SEPTIN11: variants seen among roughly 807,000 people sequenced by gnomAD.
The protein encoded by SEPTIN11 is septin 11, also known as septin-11.
In SEPTIN11, 25 loss-of-function variants were observed where a neutral mutation model predicts 51.4. The ratio of observed to expected loss-of-function variants is 0.49; its 90% confidence interval spans 0.35 to 0.68. SEPTIN11 has a LOEUF of 0.68. SEPTIN11 is among the 30% of genes least tolerant of loss of function. SEPTIN11 has a pLI of 0.00. For missense variants in SEPTIN11, 381 were observed against 520.8 expected (o/e 0.73, Z 2.61); for synonymous variants, 174 against 184.1 (o/e 0.95, Z 0.44).
In SEPTIN11 at chr4:76,996,445, G is replaced by A; in HGVS notation, c.48G>A (p.Leu16=). 1 of 1,614,062 alleles carries A rather than the reference G, an allele frequency of 6.2e-7. No homozygotes were observed. The highest frequency in any genetic ancestry group is 8.5e-7 in the Non-Finnish European group (1 of 1,179,916). Residue 16 remains leucine (L), a synonymous_variant, in exon 2 of 10, where the codon TTG becomes TTA. Transcript: ENST00000264893. ...GRPSNEELRN[L]SLSGHVGFDS... ...TGCAGAATGAAGAGCTTCGAAACTT[G>A]TCTTTGTCTGGCCATGTGGGATTTG...
At chr4:77,029,202 C>T (rs185677756) in intron 8 of SEPTIN11, among the ~76,000 whole-genome samples, 1 of 152,340 alleles carries the variant, frequency 6.6e-6, no homozygotes, top group African/African-American at 2.4e-5. Flanking sequence ...TCCACATCTG[C>T]GCCCGTGCTT....
intron 1 of SEPTIN11, among the ~76,000 whole-genome samples, chr4:76,988,613 A>G (rs1264129000): frequency 6.6e-6 from 1 of 152,192 alleles, no homozygotes; most frequent in Non-Finnish European, 1.5e-5. Context: ...AGCTTAAGCA[A>G]GATCCTCCTG....
At chr4:77,019,373 G>A (rs970979138) in intron 6 of SEPTIN11, 112 bp downstream of exon 6, 21 of 803,178 alleles carry the variant, frequency 2.6e-5, no homozygotes, top group Non-Finnish European at 5.8e-6. Flanking sequence ...GGCTGGCAGT[G>A]GGAGGGAGTG....
At chr4:76,970,889 C>T (rs7674825) in intron 1 of SEPTIN11, among the ~76,000 whole-genome samples, 6,415 of 152,226 alleles carry the variant, frequency 0.042, 191 homozygotes, top group South Asian at 0.12. Flanking sequence ...TAGTGGGCAT[C>T]TTTCAGTATT....
At position 77,034,831 on chromosome 4, in the gene SEPTIN11, T is replaced by TA. The variant is rs1726923853; in HGVS notation, c.*323dup. 3 of 1,057,042 alleles carry TA rather than the reference T, an allele frequency of 2.8e-6. No individual in the cohort carries two copies. The highest frequency in any genetic ancestry group is 3.4e-6 in the Non-Finnish European group (3 of 876,754). The allele number at this position is 1,057,042 out of a possible 1,614,324, so 65.5% of individuals were successfully genotyped here. On this transcript the variant is annotated 3_prime_UTR_variant, in exon 10 of 10. Coordinates refer to ENST00000264893, the MANE Select transcript of SEPTIN11 (RefSeq NM_018243.4). The stretch of plus-strand genomic sequence containing the variant: ...TCGCTTTGGACAGAGGAAAGTGGGG[T>TA]AAAATGCTACCTGTACGTCTGACAT...
chr4:77,034,360 G>A, intron 9 of SEPTIN11, 137 bp from the exon 10 acceptor site: 1 of 773,356 alleles, frequency 1.3e-6, no homozygotes. Flanking sequence ...CAAATTTTTG[G>A]TTTTAATTTC....
intron 4 of SEPTIN11, among the ~76,000 whole-genome samples, 162 bp from the exon 5 acceptor site, chr4:77,014,694 C>T (rs972610829): frequency 7.2e-6 from 1 of 138,090 alleles, no homozygotes; most frequent in East Asian, 2.1e-4. Flanking sequence ...ACATAGGAGG[C>T]GTATATATTT....
At position 77,037,537 on chromosome 4, in the gene SEPTIN11, A is replaced by G. The variant is rs1727117859; in HGVS notation, c.*3025A>G. The G allele has an allele frequency of 3.0e-6, 3 of 985,310 alleles. No homozygotes were observed. Among genetic ancestry groups the G allele is most frequent in the Non-Finnish European group, 3.6e-6 (3 of 829,866 alleles). The allele number at this position is 985,310 out of a possible 1,614,324, so 61.0% of individuals were successfully genotyped here. On this transcript the variant is annotated 3_prime_UTR_variant, in exon 10 of 10. Coordinates refer to ENST00000264893, the MANE Select transcript of SEPTIN11 (RefSeq NM_018243.4). The stretch of plus-strand genomic sequence containing the variant: ...TTTATGCTAGGATGCCTTTATGACC[A>G]CTTAATTTTTTAATCTTAGTTTAAT...
rs991069904 is a variant in SEPTIN11, at chr4:77,034,621, C to G, written c.*109C>G. 1.6e-5 allele frequency: 22 copies of G among 1,380,682 alleles called. No individual in the cohort carries two copies. Among genetic ancestry groups the G allele is most frequent in the Admixed American group, 1.1e-4 (3 of 26,894 alleles). The allele number at this position is 1,380,682 out of a possible 1,614,324, so 85.5% of individuals were successfully genotyped here. A position where few individuals can be genotyped will look rare whatever the true frequency, so the allele number is the denominator to read the frequency against. On this transcript the variant is annotated 3_prime_UTR_variant, in exon 10 of 10. Transcript: ENST00000264893. ...TTTTATTTTATTTTATTTTTTTACC[C>G]TTCCTCAAACACCAGTAACTATTAT...
chr4:76,950,896 G>C (rs1001443792), intron 1 of SEPTIN11, among the ~76,000 whole-genome samples: 3 of 152,204 alleles, frequency 2.0e-5, no homozygotes, highest in African/African-American at 7.2e-5. Flanking sequence ...GAGTCCTCCT[G>C]TTTTCCCTTT....
chr4:76,957,020 CAGAG>C (rs1387143454), intron 1 of SEPTIN11, among the ~76,000 whole-genome samples: 4 of 68,592 alleles, frequency 5.8e-5, no homozygotes, highest in Non-Finnish European at 9.8e-5. Flanking sequence ...GAGACAGAGA[CAGAG>C]AGAGATAAGA....
chr4:76,952,218 C>A (rs769759475), intron 1 of SEPTIN11, among the ~76,000 whole-genome samples: 2 of 152,146 alleles, frequency 1.3e-5, no homozygotes, highest in Non-Finnish European at 2.9e-5. Context: ...TACACTGCAC[C>A]TTTAAAGTTA....
chr4:77,020,789 G>A, intron 7 of SEPTIN11, 119 bp downstream of exon 7: 1 of 900,118 alleles, frequency 1.1e-6, no homozygotes, highest in African/African-American at 1.7e-5. Flanking sequence ...GGTGGGTGAA[G>A]ATTAATACAT....
chr4:77,006,816 C>T lies in SEPTIN11; in HGVS notation c.338+1020C>T, dbSNP rs116485291. ...CTCGACTATTTTTATCTAGAAATGC[C>T]TAGATATATTTTATCTATGCCTGAT... On this transcript the variant is annotated intron_variant, in intron 3 of 9. Coordinates refer to ENST00000264893, the MANE Select transcript of SEPTIN11 (RefSeq NM_018243.4). Among the ~76,000 whole-genome samples, 865 of 152,170 alleles carry T rather than the reference C, an allele frequency of 5.7e-3. 9 individuals carry two copies. The highest frequency in any genetic ancestry group is 0.02 in the African/African-American group (812 of 41,494).
chr4:77,016,930 T>G (rs911680854), intron 5 of SEPTIN11, among the ~76,000 whole-genome samples: 4 of 152,038 alleles, frequency 2.6e-5, no homozygotes, highest in Admixed American at 2.0e-4. Context: ...TTGTAAATAC[T>G]ATACCATTTT....
chr4:77,039,036 A>G (rs760845582), downstream of SEPTIN11: 57 of 1,247,428 alleles, frequency 4.6e-5, 1 homozygote, highest in South Asian at 6.5e-4. Context: ...TTAAGAATCA[A>G]ATTTGAATCT....
Position 77,020,711 on chromosome 4 carries a change from GC to G in SEPTIN11, c.953+42del, listed in dbSNP as rs776750779. ...GCAATCAGGTGTCTCCCAGACAGTG[GC>G]GAGAGTGGCATGGTGGTACATCACA... On this transcript the variant is annotated intron_variant, in intron 7 of 9. Coordinates refer to ENST00000264893, the MANE Select transcript of SEPTIN11 (RefSeq NM_018243.4). 7.6e-6 allele frequency: 12 copies of G among 1,580,334 alleles called. No individual in the cohort carries two copies. In the South Asian group the frequency reaches 1.4e-4, roughly 18 times the overall value.
chr4:77,036,847 G>T lies in SEPTIN11; in HGVS notation c.*2335G>T. On this transcript the variant is annotated 3_prime_UTR_variant, in exon 10 of 10. Transcript: ENST00000264893. ...GCTTTCGCCTTTGCATGTAAGTACGGTAGTAAGAAACCTTTGAGATCTTTC... is the reference window on the plus strand; with the variant it reads ...GCTTTCGCCTTTGCATGTAAGTACGTTAGTAAGAAACCTTTGAGATCTTTC... 1.4e-6 allele frequency: 2 copies of T among 1,481,314 alleles called. No homozygotes were observed. The highest frequency in any genetic ancestry group is 1.8e-6 in the Non-Finnish European group (2 of 1,125,708). 91.8% of individuals were successfully genotyped at this position (1,481,314 alleles called of 1,614,324 possible).
chr4:76,956,403 C>T (rs1457183627), intron 1 of SEPTIN11, among the ~76,000 whole-genome samples: 1 of 152,226 alleles, frequency 6.6e-6, no homozygotes, highest in Non-Finnish European at 1.5e-5. Context: ...TTTAGACCAA[C>T]ATGCATACAG....
Sources: allele counts gnomAD v4.1 joint callset (sites outside exome capture counted in the v4.1 genomes callset), GRCh38; gene constraint gnomAD v4.1.1; transcripts MANE v1.5; gene names NCBI Gene and HGNC (gene_info 2026-07-23, HGNC 2026-07-21).